The following ACSM3 variants were observed in gnomAD, a reference collection of about 807,000 sequenced individuals.
The protein encoded by ACSM3 is acyl-CoA synthetase medium chain family member 3, also known as acyl-coenzyme A synthetase ACSM3, mitochondrial.
ACSM3 carries 61 observed loss-of-function variants against 74.1 expected under a neutral mutation model. That is an observed-to-expected ratio of 0.82 (90% CI 0.67 to 1.02). The LOEUF is 1.02. Among genes scored for constraint, ACSM3 ranks in the 50% least tolerant of loss-of-function variants. The pLI, the probability that ACSM3 is intolerant of heterozygous loss-of-function variation, is 0.00. For missense variants in ACSM3, 660 were observed against 697.0 expected (o/e 0.95, Z 0.60); for synonymous variants, 213 against 241.5 (o/e 0.88, Z 1.09).
intron 2 of ACSM3, among the ~76,000 whole-genome samples, chr16:20,753,063 G>A (rs2080000542): frequency 6.6e-6 from 1 of 151,678 alleles, no homozygotes; most frequent in South Asian, 2.1e-4. Flanking sequence ...AGAGAGAGAT[G>A]GAATTTATAG....
intron 1 of ACSM3, among the ~76,000 whole-genome samples, chr16:20,717,677 T>A (rs193147381): frequency 7.2e-5 from 11 of 152,252 alleles, no homozygotes; most frequent in Non-Finnish European, 1.5e-4. Context: ...TGCTGATTTT[T>A]AAAAACTCGT....
At chr16:20,691,140 A>G in intron 1 of ACSM3, 1 of 1,612,732 alleles carries the variant, frequency 6.2e-7, no homozygotes, top group Non-Finnish European at 8.5e-7. Context: ...ATGTTGTGGA[A>G]GGATTTGTGG....
At chr16:20,681,711 A>G (rs1213313379) in intron 1 of ACSM3, 3 of 153,978 alleles carry the variant, frequency 1.9e-5, no homozygotes, top group African/African-American at 7.2e-5. Context: ...AAAAAGCAAC[A>G]AAGGGGGGAA....
Position 20,748,051 on chromosome 16 carries a change from C to T in ACSM3, c.-189-1859C>T, listed in dbSNP as rs183920172. On this transcript the variant is annotated intron_variant, in intron 1 of 3. Transcript: ENST00000561584. The stretch of plus-strand genomic sequence containing the variant: ...ACTTGGGGGGCTGAGGTGGGAGGAT[C>T]GTTTGAGCCCAGGAGGTCAAGGCTG... Among the ~76,000 whole-genome samples the T allele has an allele frequency of 2.4e-3, 367 of 152,108 alleles. 2 individuals carry two copies. The highest frequency in any genetic ancestry group is 8.3e-3 in the African/African-American group (344 of 41,500).
At chr16:20,777,728 A>AGC in intron 4 of ACSM3, 148 bp downstream of exon 4, 1 of 719,188 alleles carries the variant, frequency 1.4e-6, no homozygotes, top group Non-Finnish European at 2.2e-6. Flanking sequence ...AATAGTGCTA[A>AGC]ACTCTGAAGT....
intron 1 of ACSM3, among the ~76,000 whole-genome samples, chr16:20,723,722 G>C (rs551452042): frequency 6.6e-6 from 1 of 152,312 alleles, no homozygotes; most frequent in Admixed American, 6.5e-5. Flanking sequence ...CCTGCTTTTT[G>C]ATGGGGTTGT....
intron 1 of ACSM3, chr16:20,736,907 G>C: frequency 6.2e-7 from 1 of 1,614,064 alleles, no homozygotes; most frequent in African/African-American, 1.3e-5. Flanking sequence ...CATTTGACTT[G>C]GATCCTTCTG....
chr16:20,741,481 G>GGGGGGGCGGC, intron 1 of ACSM3: 1 of 1,308,414 alleles, frequency 7.6e-7, no homozygotes, highest in Non-Finnish European at 9.9e-7. Context: ...CTGGCAGCCG[G>GGGGGGGCGGC]CCCGCCCGCC....
intron 1 of ACSM3, chr16:20,734,635 A>G (rs1461809212): frequency 6.6e-6 from 1 of 152,210 alleles, no homozygotes; most frequent in African/African-American, 2.4e-5. Context: ...CTAATTTTAC[A>G]GCTCCTTAAT....
At chr16:20,719,089 A>G (rs972126119) in intron 1 of ACSM3, 5 of 153,358 alleles carry the variant, frequency 3.3e-5, no homozygotes, top group African/African-American at 7.2e-5. Flanking sequence ...GAATCTGTCA[A>G]CTTGCCTGGG....
At chr16:20,769,565 A>C (rs1003089946) in intron 1 of ACSM3, among the ~76,000 whole-genome samples, 16 of 152,222 alleles carry the variant, frequency 1.1e-4, no homozygotes, top group Non-Finnish European at 1.8e-4. Context: ...CCTACTTTGA[A>C]ATCTGCAGGT....
rs565786734 is a variant in ACSM3, at chr16:20,769,922, C to T, written c.-51-62C>T. The T allele has an allele frequency of 2.0e-4, 200 of 1,006,152 alleles. 4 individuals carry two copies. In the South Asian group the frequency reaches 2.9e-3, roughly 15 times the overall value. 62.3% of individuals were successfully genotyped at this position (1,006,152 alleles called of 1,614,324 possible). On this transcript the variant is annotated intron_variant, in intron 1 of 13. Transcript: ENST00000289416. ...CAATACTAATAACAAAACTTAGCCA[C>T]TTTGGGGTATGGCTACCTTCAGGAC...
intron 1 of ACSM3, among the ~76,000 whole-genome samples, chr16:20,683,231 T>C (rs1397980273): frequency 6.6e-6 from 1 of 151,938 alleles, no homozygotes; most frequent in East Asian, 1.9e-4. Flanking sequence ...AATTGTCCTG[T>C]CTCAGCCTCT....
intron 1 of ACSM3, among the ~76,000 whole-genome samples, chr16:20,726,793 G>T (rs1267028378): frequency 6.6e-6 from 1 of 152,244 alleles, no homozygotes; most frequent in Non-Finnish European, 1.5e-5. Flanking sequence ...GCTGTGGTGA[G>T]AATTTAATGT....
chr16:20,711,685 G>A (rs1441361870), intron 1 of ACSM3: 4 of 555,290 alleles, frequency 7.2e-6, no homozygotes, highest in African/African-American at 1.9e-5. Context: ...ATTTCAGTGA[G>A]TATTTTTCCC....
chr16:20,790,552 A>C lies in ACSM3; in HGVS notation c.1225-35A>C, dbSNP rs1452063173. ...TATTTAAGCTGCGACATTAAACAAA[A>C]ATTTCCTTAAATAAATTGTTCTATT... On this transcript the variant is annotated intron_variant, in intron 9 of 13. Transcript: ENST00000289416. This position sits in a 1 kb window ranked among gnomAD's most constrained non-coding sequence, Gnocchi z 4.0. 2.5e-6 allele frequency: 4 copies of C among 1,575,624 alleles called. No homozygotes were observed. Among genetic ancestry groups the C allele is most frequent in the Non-Finnish European group, 3.5e-6 (4 of 1,152,366 alleles).
intron 2 of ACSM3, among the ~76,000 whole-genome samples, chr16:20,775,264 G>A (rs1195871795): frequency 3.3e-5 from 5 of 152,130 alleles, no homozygotes; most frequent in African/African-American, 9.7e-5. Flanking sequence ...ATAGCAGCTC[G>A]GGTCCTGGGG....
chr16:20,790,644 C>T lies in ACSM3; in HGVS notation c.1282C>T (p.Gln428Ter). Residue 428 changes from glutamine to a stop codon, truncating the protein, a stop_gained, in exon 10 of 14, where the codon CAA becomes TAA. Coordinates refer to ENST00000289416, the MANE Select transcript of ACSM3 (RefSeq NM_005622.4). LOFTEE classifies it high-confidence loss of function. The surrounding 1 kb of genome is among the most constrained non-coding windows in gnomAD (Gnocchi z 4.0). ...TGGACAAGAAGGAGATATTGGCATT[C>T]AAGTTCTACCCAACCGACCATTTGG... ...PPGQEGDIGI[Q>*]VLPNRPFGLF... 1.2e-6 allele frequency: 2 copies of T among 1,614,118 alleles called. No individual in the cohort carries two copies. The highest frequency in any genetic ancestry group is 1.7e-6 in the Non-Finnish European group (2 of 1,179,982).
chr16:20,792,283 C>T lies in ACSM3; in HGVS notation c.1502C>T (p.Pro501Leu). 1 of 1,614,118 alleles carries T rather than the reference C, an allele frequency of 6.2e-7. No individual in the cohort carries two copies. The highest frequency in any genetic ancestry group is 8.5e-7 in the Non-Finnish European group (1 of 1,179,966). The change falls in exon 12 of 14, where the codon CCT becomes CTT. Residue 501 changes from proline to leucine, a missense_variant. Physicochemically the swap from Pro to Leu is moderately conservative, Grantham distance 98 (BLOSUM62 -3). Coordinates refer to ENST00000289416, the MANE Select transcript of ACSM3 (RefSeq NM_005622.4). ...FEVENALNEH[P>L]SVAESAVVSS... ...GTAGAAAATGCCCTGAATGAACACC[C>T]TTCAGTTGCAGAGTCAGCTGTTGTC...
Sources: allele counts gnomAD v4.1 joint callset (sites outside exome capture counted in the v4.1 genomes callset), GRCh38; gene constraint gnomAD v4.1.1; non-coding constraint Gnocchi (gnomAD v3.1); transcripts MANE v1.5; gene names NCBI Gene and HGNC (gene_info 2026-07-23, HGNC 2026-07-21).